RIT2: variants seen among roughly 807,000 people sequenced by gnomAD.
The protein encoded by RIT2 is Ras like without CAAX 2.
A neutral mutation model predicts 23.7 loss-of-function variants in RIT2; 24 were observed. The observed-to-expected ratio is 1.01, with a 90% CI of 0.73 to 1.43. RIT2 has a LOEUF of 1.43. Among genes scored for constraint, RIT2 ranks in the 40% most tolerant of loss-of-function variants. RIT2 has a pLI of 0.00. For synonymous variants in RIT2, 107 were observed against 91.1 expected, an observed-to-expected ratio of 1.17 and a Z score of -0.99; for missense variants, 236 against 266.9, an observed-to-expected ratio of 0.88 and a Z score of 0.81.
At chr18:43,061,870 G>A (rs540304328) in intron 1 of RIT2, among the ~76,000 whole-genome samples, 5 of 152,100 alleles carry the variant, frequency 3.3e-5, no homozygotes, top group Admixed American at 3.3e-4. Flanking sequence ...CAAGAACCTG[G>A]AACTCGCTAA....
At chr18:42,858,046 T>C (rs1197095245) in intron 4 of RIT2, among the ~76,000 whole-genome samples, 1 of 152,080 alleles carries the variant, frequency 6.6e-6, no homozygotes, top group Non-Finnish European at 1.5e-5. Context: ...CTGGGCATGG[T>C]GGCGCGCGCC....
chr18:43,045,438 ATT>A (rs1268883011), intron 1 of RIT2, among the ~76,000 whole-genome samples: 1 of 152,182 alleles, frequency 6.6e-6, no homozygotes, highest in East Asian at 1.9e-4. Context: ...ATTTTCTGAT[ATT>A]TCAGATAATC....
At chr18:43,057,284 T>G (rs761671691) in intron 1 of RIT2, among the ~76,000 whole-genome samples, 6 of 152,148 alleles carry the variant, frequency 3.9e-5, no homozygotes, top group African/African-American at 9.7e-5. Flanking sequence ...ATCTTACTTA[T>G]TGTTTGAGTT....
chr18:42,856,570 A>AG (rs1230406563), intron 4 of RIT2, among the ~76,000 whole-genome samples: 2 of 152,174 alleles, frequency 1.3e-5, no homozygotes, highest in Non-Finnish European at 2.9e-5. Flanking sequence ...CAGAAGGCCA[A>AG]GGGGAACTAT....
At chr18:42,910,544 C>T (rs1908741713) in intron 4 of RIT2, among the ~76,000 whole-genome samples, 1 of 152,084 alleles carries the variant, frequency 6.6e-6, no homozygotes, top group Non-Finnish European at 1.5e-5. Context: ...ATATAAACCC[C>T]AGACCCCAGG....
At chr18:43,022,745 G>A (rs533897720) in intron 2 of RIT2, among the ~76,000 whole-genome samples, 1 of 151,918 alleles carries the variant, frequency 6.6e-6, no homozygotes, top group Middle Eastern at 3.4e-3. Context: ...ATAATGTCCT[G>A]AACATATTAG....
chr18:42,910,786 G>T (rs907753776), intron 4 of RIT2, among the ~76,000 whole-genome samples: 1 of 151,972 alleles, frequency 6.6e-6, no homozygotes, highest in Non-Finnish European at 1.5e-5. Context: ...AATGTGTTTG[G>T]ACCAAACAAC....
At chr18:42,764,549 G>C (rs767082785) in intron 4 of RIT2, among the ~76,000 whole-genome samples, 1 of 152,122 alleles carries the variant, frequency 6.6e-6, no homozygotes, top group Non-Finnish European at 1.5e-5. Flanking sequence ...AACCTCCACT[G>C]TCTTTGAAGT....
chr18:42,840,780 C>T (rs186308511), intron 4 of RIT2, among the ~76,000 whole-genome samples: 3 of 152,216 alleles, frequency 2.0e-5, no homozygotes, highest in Non-Finnish European at 4.4e-5. Context: ...GGGTTATAGG[C>T]GTGAGCCACC....
At chr18:43,039,227 A>G (rs1195961344) in intron 1 of RIT2, among the ~76,000 whole-genome samples, 2 of 152,044 alleles carry the variant, frequency 1.3e-5, no homozygotes, top group Admixed American at 6.5e-5. Flanking sequence ...CCAATATTTC[A>G]TTTAAGTACT....
At chr18:43,103,951 AG>A (rs1913748649) in intron 1 of RIT2, among the ~76,000 whole-genome samples, 1 of 152,188 alleles carries the variant, frequency 6.6e-6, no homozygotes, top group Non-Finnish European at 1.5e-5. Flanking sequence ...CTAAAGAAAA[AG>A]GAGTCAGTAT....
intron 1 of RIT2, among the ~76,000 whole-genome samples, chr18:43,038,255 C>T (rs1252540207): frequency 1.4e-5 from 2 of 142,922 alleles, no homozygotes; most frequent in African/African-American, 5.1e-5. Context: ...ACAAGTGGGT[C>T]ATTTCAATAA....
chr18:43,040,999 A>G (rs1598758175), intron 1 of RIT2, among the ~76,000 whole-genome samples: 1 of 152,078 alleles, frequency 6.6e-6, no homozygotes, highest in South Asian at 2.1e-4. Context: ...AGGGTGTAAA[A>G]CCTACATGCT....
chr18:42,938,996 T>A (rs1282314239), intron 3 of RIT2, among the ~76,000 whole-genome samples: 1 of 152,170 alleles, frequency 6.6e-6, no homozygotes, highest in Non-Finnish European at 1.5e-5. Context: ...TACTCCTGCC[T>A]TGGCCTCCCA....
At chr18:42,955,581 A>T (rs560484946) in intron 3 of RIT2, among the ~76,000 whole-genome samples, 6 of 152,336 alleles carry the variant, frequency 3.9e-5, no homozygotes, top group Non-Finnish European at 7.3e-5. Context: ...TCAATGTCAG[A>T]GCAGAGGCTA....
chr18:43,114,462 C>T (rs1351774636), intron 1 of RIT2, among the ~76,000 whole-genome samples: 1 of 152,034 alleles, frequency 6.6e-6, no homozygotes, highest in African/African-American at 2.4e-5. Context: ...TTTTTGTCAA[C>T]ACTAAAACTA....
intron 4 of RIT2, among the ~76,000 whole-genome samples, chr18:42,905,701 G>A (rs925347157): frequency 5.3e-5 from 8 of 152,024 alleles, no homozygotes; most frequent in Non-Finnish European, 1.0e-4. Context: ...TCAAACTCCT[G>A]ACCTCAGGTG....
intron 1 of RIT2, among the ~76,000 whole-genome samples, chr18:43,069,184 T>C (rs1912842840): frequency 6.6e-6 from 1 of 152,150 alleles, no homozygotes; most frequent in African/African-American, 2.4e-5. Flanking sequence ...GCAGAGCACA[T>C]CTCCCTGTGA....
intron 4 of RIT2, among the ~76,000 whole-genome samples, chr18:42,762,387 T>C (rs955998863): frequency 6.6e-6 from 1 of 152,214 alleles, no homozygotes; most frequent in Non-Finnish European, 1.5e-5. Flanking sequence ...TCTATCTTTC[T>C]TTGTTCTTAT....
Sources: gnomAD v4.1 joint callset for allele counts (sites outside exome capture counted in the v4.1 genomes callset) on GRCh38, gnomAD v4.1.1 for gene constraint, MANE v1.5 for transcripts, NCBI Gene and HGNC (gene_info 2026-07-23, HGNC 2026-07-21) for gene names.